Variants in SHOC2 observed in about 807,000 individuals in gnomAD.
The protein encoded by SHOC2 is SHOC2 leucine rich repeat scaffold protein, also known as leucine-rich repeat protein SHOC-2.
In SHOC2, 4 loss-of-function variants were observed where a neutral mutation model predicts 50.2. That is an observed-to-expected ratio of 0.08 (90% CI 0.04 to 0.18). The LOEUF is 0.18. SHOC2 is among the 10% of genes least tolerant of loss of function. SHOC2 has a pLI of 1.00. For missense variants in SHOC2, 388 were observed against 669.6 expected (o/e 0.58, Z 4.64); for synonymous variants, 218 against 244.5 (o/e 0.89, Z 1.01).
intron 2 of SHOC2, among the ~76,000 whole-genome samples, chr10:110,969,505 A>T (rs1031559788): frequency 1.3e-5 from 2 of 152,204 alleles, no homozygotes; most frequent in Non-Finnish European, 2.9e-5. Flanking sequence ...TAGACAGTGA[A>T]GTTTTAAAGG....
intron 1 of SHOC2, among the ~76,000 whole-genome samples, chr10:110,960,943 C>T (rs1239539934): frequency 6.6e-6 from 1 of 152,150 alleles, no homozygotes; most frequent in African/African-American, 2.4e-5. Context: ...TCCCAAAGTG[C>T]TAGGATTACA....
At chr10:111,010,482 T>A (rs1228914562) in intron 8 of SHOC2, among the ~76,000 whole-genome samples, 2 of 151,956 alleles carry the variant, frequency 1.3e-5, no homozygotes, top group African/African-American at 4.8e-5. Context: ...AATTGAACAA[T>A]GAGAACACTT....
At chr10:110,939,872 A>G (rs1337118723) in intron 1 of SHOC2, among the ~76,000 whole-genome samples, 4 of 152,202 alleles carry the variant, frequency 2.6e-5, no homozygotes, top group Non-Finnish European at 5.9e-5. Flanking sequence ...TCACTTCCTA[A>G]TGGTCAATTA....
intron 2 of SHOC2, among the ~76,000 whole-genome samples, chr10:110,984,217 C>T (rs1442341468): frequency 1.3e-5 from 2 of 152,090 alleles, no homozygotes; most frequent in African/African-American, 4.8e-5. Context: ...GAAGTGGTAT[C>T]TTGTTGTGAT....
chr10:110,972,373 C>CAA (rs1847799501), intron 2 of SHOC2, among the ~76,000 whole-genome samples: 1 of 151,974 alleles, frequency 6.6e-6, no homozygotes, highest in Non-Finnish European at 1.5e-5. Flanking sequence ...AATGTTTGTA[C>CAA]AAATGCTAAG....
intron 1 of SHOC2, among the ~76,000 whole-genome samples, chr10:110,925,004 G>C (rs1846729684): frequency 6.8e-6 from 1 of 146,460 alleles, no homozygotes; most frequent in Non-Finnish European, 1.5e-5. Context: ...CCGGGAGGTG[G>C]AGGTTGCGGT....
intron 1 of SHOC2, among the ~76,000 whole-genome samples, chr10:110,939,976 CT>C (rs1406253889): frequency 6.6e-6 from 1 of 152,090 alleles, no homozygotes; most frequent in Non-Finnish European, 1.5e-5. Flanking sequence ...AGAATATATT[CT>C]TTTTAACATA....
intron 1 of SHOC2, chr10:110,920,159 C>G (rs1399272576): frequency 6.6e-6 from 1 of 152,328 alleles, no homozygotes; most frequent in Admixed American, 6.5e-5. Context: ...GGGGTCTCTT[C>G]TCGCCCCCTC....
intron 1 of SHOC2, among the ~76,000 whole-genome samples, chr10:110,956,400 A>G (rs1489032225): frequency 6.6e-6 from 1 of 152,150 alleles, no homozygotes; most frequent in African/African-American, 2.4e-5. Flanking sequence ...TATTATTAGT[A>G]GAGACTGGGT....
intron 4 of SHOC2, among the ~76,000 whole-genome samples, chr10:111,001,180 A>G (rs1590831920): frequency 7.5e-6 from 1 of 133,850 alleles, no homozygotes; most frequent in African/African-American, 2.7e-5. Context: ...TTTTTGAGGC[A>G]GAGTTTAGCT....
intron 1 of SHOC2, among the ~76,000 whole-genome samples, chr10:110,928,741 A>G (rs773971763): frequency 6.6e-6 from 1 of 152,068 alleles, no homozygotes; most frequent in South Asian, 2.1e-4. Flanking sequence ...CCAAAAATAC[A>G]AAAATTAACA....
At chr10:110,981,977 G>T (rs998070727) in intron 2 of SHOC2, among the ~76,000 whole-genome samples, 1 of 139,706 alleles carries the variant, frequency 7.2e-6, no homozygotes, top group East Asian at 2.3e-4. Flanking sequence ...CTAGCATTAG[G>T]TATATCTCCC....
At chr10:110,955,090 GT>G (rs1272677602) in intron 1 of SHOC2, among the ~76,000 whole-genome samples, 4 of 152,196 alleles carry the variant, frequency 2.6e-5, no homozygotes, top group Non-Finnish European at 5.9e-5. Flanking sequence ...GCATACGGCG[GT>G]TAGAGAATTT....
intron 1 of SHOC2, among the ~76,000 whole-genome samples, chr10:110,922,476 A>G (rs989251336): frequency 2.6e-5 from 4 of 152,050 alleles, no homozygotes; most frequent in African/African-American, 9.7e-5. Context: ...ATTTTTTTGT[A>G]AAAATATTTA....
At chr10:110,981,876 T>TATTTTTTTTTTTATTATACTC (rs1554859803) in intron 2 of SHOC2, among the ~76,000 whole-genome samples, 1 of 135,412 alleles carries the variant, frequency 7.4e-6, no homozygotes, top group Non-Finnish European at 1.6e-5. Flanking sequence ...ATTTATTTTT[T>TATTTTTTTTTTTATTATACTC]TAAGTTTTAG....
intron 2 of SHOC2, among the ~76,000 whole-genome samples, chr10:110,979,918 C>T (rs956127466): frequency 6.6e-6 from 1 of 152,054 alleles, no homozygotes; most frequent in Non-Finnish European, 1.5e-5. Context: ...AAGGTGTAGC[C>T]TACTCACTAG....
rs541192777 is a variant in SHOC2, at chr10:110,936,804, C to T, written c.-235+17147C>T. The T allele has an allele frequency of 1.8e-3, 2,056 of 1,159,768 alleles. 2 individuals are homozygous for T. The highest frequency in any genetic ancestry group is 3.1e-3 in the Middle Eastern group (14 of 4,476). The allele number at this position is 1,159,768 out of a possible 1,614,324, so 71.8% of individuals were successfully genotyped here. On this transcript the variant is annotated intron_variant, in intron 1 of 8. Coordinates refer to ENST00000369452, the MANE Select transcript of SHOC2 (RefSeq NM_007373.4). ...ACTGCGTGGTACTTCCAGCCAACCT[C>T]GTGAGCCAGGTGCCCCAGATAGGCA...
At chr10:110,988,555 T>C (rs1489276995) in intron 3 of SHOC2, among the ~76,000 whole-genome samples, 2 of 152,166 alleles carry the variant, frequency 1.3e-5, no homozygotes, top group Non-Finnish European at 2.9e-5. Context: ...CTCTAATTCC[T>C]GATATCAAGA....
At position 110,924,746 on chromosome 10, in the gene SHOC2, C is replaced by T. The variant is rs189378091; in HGVS notation, c.-235+5089C>T. On this transcript the variant is annotated intron_variant, in intron 1 of 8. Transcript: ENST00000369452. Reference sequence around the variant, plus strand: ...TATCAGTGTAACGTGGGGAATAATTCCCAGGCTTAGAACTTGGATAATGTT... The same window carrying T: ...TATCAGTGTAACGTGGGGAATAATTTCCAGGCTTAGAACTTGGATAATGTT... 1.4e-4 allele frequency among the ~76,000 whole-genome samples: 22 copies of T among 152,054 alleles called. 1 individual carries two copies. The highest frequency in any genetic ancestry group is 3.4e-3 in the Middle Eastern group (1 of 292).
Sources: gnomAD v4.1 joint callset for allele counts (sites outside exome capture counted in the v4.1 genomes callset) on GRCh38, gnomAD v4.1.1 for gene constraint, MANE v1.5 for transcripts, NCBI Gene and HGNC (gene_info 2026-07-23, HGNC 2026-07-21) for gene names.